The following SCAF8 variants were observed in gnomAD, a reference collection of about 807,000 sequenced individuals.
SCAF8 encodes the protein SR-related CTD associated factor 8.
Under a neutral mutation model 140.5 loss-of-function variants are expected in SCAF8, and 23 were observed. That is an observed-to-expected ratio of 0.16 (90% confidence interval 0.12 to 0.23). The LOEUF (loss-of-function observed/expected upper bound fraction) is 0.23, where lower values mean the gene tolerates loss of function less well. Among genes scored for constraint, SCAF8 ranks in the 10% least tolerant of loss-of-function variants. The pLI, the probability that SCAF8 is intolerant of heterozygous loss-of-function variation, is 1.00. For missense variants in SCAF8, 1,397 were observed against 1,555.7 expected (o/e 0.90, Z 1.72); for synonymous variants, 575 against 528.9 (o/e 1.09, Z -1.20).
intron 5 of SCAF8, among the ~76,000 whole-genome samples, chr6:154,793,815 CAAAAAAAAAAAA>C (rs59257286): frequency 2.9e-5 from 2 of 69,316 alleles, no homozygotes; most frequent in Admixed American, 1.9e-4. Context: ...AACTCTGTCT[CAAAAAAAAAAAA>C]AAAAAAAAAA....
Position 154,799,317 on chromosome 6 carries a change from T to C in SCAF8, c.607-2654T>C, listed in dbSNP as rs79272015. Among the ~76,000 whole-genome samples the C allele has an allele frequency of 1.5e-3, 227 of 151,286 alleles. 5 individuals are homozygous for C. The East Asian group carries it at 0.037, about 24-fold the overall frequency. On this transcript the variant is annotated intron_variant, in intron 6 of 19. Transcript: ENST00000367178. ...ATATAGAGACAGGATGTCACTATGTTGCCCAGGCTGGTCTCAGACTCCTGG... is the reference window on the plus strand; with the variant it reads ...ATATAGAGACAGGATGTCACTATGTCGCCCAGGCTGGTCTCAGACTCCTGG...
At position 154,777,856 on chromosome 6, in the gene SCAF8, A is replaced by C. The variant is rs1776961829; in HGVS notation, c.115-145A>C. On this transcript the variant is annotated intron_variant, in intron 2 of 19. Coordinates refer to ENST00000367178, the MANE Select transcript of SCAF8 (RefSeq NM_014892.5). Reference sequence around the variant, plus strand: ...GCACAGCTAGTTGCATATAAAGGTGAGTGACAAGAATGTTTGTCTCAAAAT... The same window carrying C: ...GCACAGCTAGTTGCATATAAAGGTGCGTGACAAGAATGTTTGTCTCAAAAT... 7 of 616,842 alleles carry C rather than the reference A, an allele frequency of 1.1e-5. No individual in the cohort carries two copies. The South Asian group carries it at 1.3e-4, about 11-fold the overall frequency. 38.2% of individuals were successfully genotyped at this position (616,842 alleles called of 1,614,324 possible).
intron 7 of SCAF8, 78 bp from the exon 8 acceptor site, chr6:154,803,466 G>A (rs1165411600): frequency 3.2e-6 from 3 of 928,458 alleles, no homozygotes; most frequent in Non-Finnish European, 5.3e-6. Flanking sequence ...GAATGCCATT[G>A]ACATTTAAAA....
chr6:154,777,096 G>A (rs929471094), intron 2 of SCAF8, among the ~76,000 whole-genome samples: 3 of 152,032 alleles, frequency 2.0e-5, no homozygotes, highest in Admixed American at 6.6e-5. Flanking sequence ...CAGGAGAATC[G>A]CTTGAACCCG....
At position 154,784,931 on chromosome 6, in the gene SCAF8, T is replaced by G. The variant is rs142885332; in HGVS notation, c.160-2930T>G. Among the ~76,000 whole-genome samples, 79 of 152,316 alleles carry G rather than the reference T, an allele frequency of 5.2e-4. 1 individual carries two copies. In the Middle Eastern group the frequency reaches 0.02, roughly 39 times the overall value. ...CCACTCATTTCAAGAAGTAGAACTTTGAAGCCCACAAGCCCCAAGTGCCTC... is the reference window on the plus strand; with the variant it reads ...CCACTCATTTCAAGAAGTAGAACTTGGAAGCCCACAAGCCCCAAGTGCCTC... On this transcript the variant is annotated intron_variant, in intron 3 of 19. Transcript: ENST00000367178.
Position 154,832,533 on chromosome 6 carries a change from C to T in SCAF8, c.2954C>T (p.Ala985Val). ...IFSQPERPFLAPGRQSVDNVT... is the reference protein window; with the variant it reads ...IFSQPERPFLVPGRQSVDNVT... Reference sequence around the variant, plus strand: ...AGTCAACCAGAAAGACCTTTTTTAGCTCCTGGAAGACAAAGCGTAGACAAT... The same window carrying T: ...AGTCAACCAGAAAGACCTTTTTTAGTTCCTGGAAGACAAAGCGTAGACAAT... The change falls in exon 20 of 20, where the codon GCT becomes GTT. Residue 985 changes from alanine (A) to valine (V), a missense_variant. Ala to Val is a moderately conservative substitution (Grantham distance 64). Coordinates refer to ENST00000367178, the MANE Select transcript of SCAF8 (RefSeq NM_014892.5). 1 of 1,613,712 alleles carries T rather than the reference C, an allele frequency of 6.2e-7. No individual in the cohort carries two copies. The highest frequency in any genetic ancestry group is 8.5e-7 in the Non-Finnish European group (1 of 1,179,914).
At chr6:154,742,501 T>C (rs554005247) in intron 1 of SCAF8, among the ~76,000 whole-genome samples, 4 of 152,320 alleles carry the variant, frequency 2.6e-5, no homozygotes, top group African/African-American at 7.2e-5. Context: ...GAGAAATAAA[T>C]GCTGATGAGA....
At position 154,810,226 on chromosome 6, in the gene SCAF8, G is replaced by T; in HGVS notation, c.1420+18G>T. Reference sequence around the variant, plus strand: ...ACTAAGTGGTAAGTAACATATATCTGCAACGCTTTGGTTTCAATTAATATT... The same window carrying T: ...ACTAAGTGGTAAGTAACATATATCTTCAACGCTTTGGTTTCAATTAATATT... On this transcript the variant is annotated intron_variant, in intron 12 of 19. Coordinates refer to ENST00000367178, the MANE Select transcript of SCAF8 (RefSeq NM_014892.5). The T allele has an allele frequency of 6.5e-7, 1 of 1,527,526 alleles. No homozygotes were observed. The highest frequency in any genetic ancestry group is 8.9e-7 in the Non-Finnish European group (1 of 1,126,874). The allele number at this position is 1,527,526 out of a possible 1,614,324, so 94.6% of individuals were successfully genotyped here. A position where few individuals can be genotyped will look rare whatever the true frequency, so the allele number is the denominator to read the frequency against.
At chr6:154,816,369 T>C (rs1778248673) in intron 13 of SCAF8, among the ~76,000 whole-genome samples, 1 of 152,254 alleles carries the variant, frequency 6.6e-6, no homozygotes, top group Non-Finnish European at 1.5e-5. Context: ...ACTCTTTCAC[T>C]CTTGATTCTT....
chr6:154,750,893 T>G (rs1043772840), intron 1 of SCAF8, among the ~76,000 whole-genome samples: 5 of 152,204 alleles, frequency 3.3e-5, no homozygotes, highest in African/African-American at 7.2e-5. Context: ...TTGTTCTCAT[T>G]TTGGCCATTT....
chr6:154,785,213 T>C (rs574879771), intron 3 of SCAF8, among the ~76,000 whole-genome samples: 1 of 152,362 alleles, frequency 6.6e-6, no homozygotes, highest in Admixed American at 6.5e-5. Context: ...TTTTCCATTA[T>C]GTGAATAGAC....
At chr6:154,825,588 G>A (rs1234954566) in intron 17 of SCAF8, among the ~76,000 whole-genome samples, 5 of 146,938 alleles carry the variant, frequency 3.4e-5, no homozygotes, top group East Asian at 4.3e-4. Flanking sequence ...CCCAGGAGGT[G>A]GAGGCTACAG....
intron 4 of SCAF8, 40 bp from the exon 5 acceptor site, chr6:154,792,783 A>C (rs201510025): frequency 3.0e-4 from 448 of 1,489,124 alleles, no homozygotes; most frequent in Non-Finnish European, 4.0e-4. Context: ...TAAGGTTTTG[A>C]GAGTAAAAAC....
chr6:154,787,856 A>G lies in SCAF8; in HGVS notation c.160-5A>G, dbSNP rs761528673. ...TTTCCTTTTCATTCTTCTTTTTTTC[A>G]TCAGTGTAAACCAGAATACAAAGTA... On this transcript the variant is annotated splice_polypyrimidine_tract_variant and splice_region_variant and intron_variant, in intron 3 of 19. Transcript: ENST00000367178. 2.6e-5 allele frequency: 41 copies of G among 1,579,352 alleles called. No individual in the cohort carries two copies. In the East Asian group the frequency reaches 8.6e-4, roughly 33 times the overall value.
chr6:154,818,666 T>G, intron 14 of SCAF8, 74 bp downstream of exon 14: 1 of 642,562 alleles, frequency 1.6e-6, no homozygotes, highest in Non-Finnish European at 2.7e-6. Context: ...AGTCTGAGTT[T>G]TTCACAAGAG....
At chr6:154,805,207 A>G (rs1381917746) in intron 8 of SCAF8, among the ~76,000 whole-genome samples, 162 bp from the exon 9 acceptor site, 2 of 152,172 alleles carry the variant, frequency 1.3e-5, no homozygotes, top group African/African-American at 4.8e-5. Flanking sequence ...TTAATAATTA[A>G]TGTTCTCAAG....
At chr6:154,753,209 A>C (rs887442733) in intron 1 of SCAF8, among the ~76,000 whole-genome samples, 7 of 152,052 alleles carry the variant, frequency 4.6e-5, no homozygotes, top group Non-Finnish European at 7.4e-5. Context: ...TCATGCTTAT[A>C]ATCCCAGCAC....
At chr6:154,789,626 A>G (rs1777354599) in intron 4 of SCAF8, among the ~76,000 whole-genome samples, 1 of 150,532 alleles carries the variant, frequency 6.6e-6, no homozygotes, top group South Asian at 2.1e-4. Context: ...GCTCTCTGCA[A>G]ACTCTGCCTC....
At chr6:154,743,888 A>G (rs1778632276) in intron 1 of SCAF8, among the ~76,000 whole-genome samples, 1 of 152,264 alleles carries the variant, frequency 6.6e-6, no homozygotes, top group African/African-American at 2.4e-5. Context: ...TGTTTTTTAC[A>G]TATCAAAACA....
Sources: allele counts gnomAD v4.1 joint callset (sites outside exome capture counted in the v4.1 genomes callset), GRCh38; gene constraint gnomAD v4.1.1; transcripts MANE v1.5; gene names NCBI Gene and HGNC (gene_info 2026-07-23, HGNC 2026-07-21).